Variants in SNAP91 observed in about 807,000 individuals in gnomAD.
The protein encoded by SNAP91 is synaptosome associated protein 91.
A neutral mutation model predicts 100.3 loss-of-function variants in SNAP91; 27 were observed. That is an observed-to-expected ratio of 0.27 (90% CI 0.20 to 0.37). The LOEUF (loss-of-function observed/expected upper bound fraction) is 0.37. SNAP91 is among the 10% of genes least tolerant of loss of function. SNAP91 has a pLI of 1.00. For synonymous variants in SNAP91, 404 were observed against 398.6 expected (o/e 1.01, Z -0.16); for missense variants, 986 against 1,123.7 (o/e 0.88, Z 1.75).
chr6:83,572,561 T>A (rs1810226030), intron 26 of SNAP91, among the ~76,000 whole-genome samples: 1 of 152,130 alleles, frequency 6.6e-6, no homozygotes, highest in African/African-American at 2.4e-5. Context: ...CAACTTTTTT[T>A]TTCCTTTTTT....
rs552114655 is a variant in SNAP91 at position 83,575,915 on chromosome 6, T to C, written c.2330+108A>G. On this transcript the variant is annotated intron_variant, in intron 25 of 29. Coordinates refer to ENST00000369694, the MANE Select transcript of SNAP91 (RefSeq NM_001242792.2). The stretch of plus-strand genomic sequence containing the variant: ...CACCAATTGTGAAATTATCTGAAAT[T>C]ATCTAGCATGAGAATGAATAATTAC... 4 of 658,186 alleles carry C rather than the reference T, an allele frequency of 6.1e-6. No individual in the cohort carries two copies. In the East Asian group the frequency reaches 1.3e-4, roughly 22 times the overall value. 40.8% of individuals were successfully genotyped at this position (658,186 alleles called of 1,614,324 possible).
rs202051437 is a variant in SNAP91 at position 83,560,120 on chromosome 6, G to C, written c.2615C>G (p.Ala872Gly). 1.0e-4 allele frequency: 166 copies of C among 1,613,852 alleles called. No homozygotes were observed. The highest frequency in any genetic ancestry group is 1.3e-4 in the Non-Finnish European group (156 of 1,179,810). Residue 872 changes from alanine to glycine, a missense_variant, in exon 28 of 30, where the codon GCT becomes GGT. Coordinates refer to ENST00000369694, the MANE Select transcript of SNAP91 (RefSeq NM_001242792.2). ...PMMRPPFGAA[A>G]VPGTQLSPSP... ...GAAACTGACCTGCGTGCCAGGTACA[G>C]CGGCAGCTCCAAAGGGGGGCCTCAT...
chr6:83,556,342 GGAGAGAGAGAGA>G (rs1184252930), intron 28 of SNAP91, 97 bp from the exon 29 acceptor site: 265 of 19,696 alleles, frequency 0.013, 2 homozygotes, highest in Middle Eastern at 0.023. Flanking sequence ...AGGGAGAGGG[GGAGAGAGAGAGA>G]GAGAGAGAGA....
At position 83,578,537 on chromosome 6, in the gene SNAP91, A is replaced by C. The variant is rs1173551003; in HGVS notation, c.2299+1913T>G. Among the ~76,000 whole-genome samples the C allele has an allele frequency of 7.2e-5, 11 of 152,296 alleles. No individual in the cohort carries two copies. The East Asian group carries it at 2.1e-3, about 29-fold the overall frequency. On this transcript the variant is annotated intron_variant, in intron 24 of 29. Coordinates refer to ENST00000369694, the MANE Select transcript of SNAP91 (RefSeq NM_001242792.2). ...GGAGAATATAGGGTGCTTGGGTCAA[A>C]AGGTCTATTCAAATAAATTATTTGC...
chr6:83,706,065 C>T (rs962261714), intron 2 of SNAP91, among the ~76,000 whole-genome samples: 2 of 152,194 alleles, frequency 1.3e-5, no homozygotes, highest in Admixed American at 6.5e-5. Flanking sequence ...TTTCAAAAGA[C>T]TTTTCCACTA....
chr6:83,665,551 A>T lies in SNAP91; in HGVS notation c.161T>A (p.Val54Asp). Residue 54 changes from valine (V) to aspartate (D), a missense_variant, in exon 3 of 30, where the codon GTT (valine) becomes GAT (aspartate). Around this residue, in one of 4 missense-constraint regions of SNAP91, gnomAD observed 330 missense variants for 447.5 expected, o/e 0.74. Coordinates refer to ENST00000369694, the MANE Select transcript of SNAP91 (RefSeq NM_001242792.2). ...AGTGTCGGCCATCTGAGGAATATTA[A>T]CATTGGTCTCGTTGGTAGCCTGGAT... ...YLIQATNETNVNIPQMADTLF... is the reference protein window; with the variant it reads ...YLIQATNETNDNIPQMADTLF... The T allele has an allele frequency of 1.9e-6, 3 of 1,612,606 alleles. No homozygotes were observed. The highest frequency in any genetic ancestry group is 2.5e-6 in the Non-Finnish European group (3 of 1,179,126).
intron 9 of SNAP91, among the ~76,000 whole-genome samples, chr6:83,619,986 T>C (rs2096648320): frequency 6.6e-6 from 1 of 152,204 alleles, no homozygotes; most frequent in Non-Finnish European, 1.5e-5. Flanking sequence ...TCTGATATAT[T>C]CAGTTCTTAC....
chr6:83,690,517 G>A, intron 2 of SNAP91: 4 of 806,688 alleles, frequency 5.0e-6, no homozygotes, highest in Non-Finnish European at 5.3e-6. Flanking sequence ...CATTGAACAA[G>A]CGTTTTGTTT....
At chr6:83,698,184 G>A (rs540479614) in intron 2 of SNAP91, among the ~76,000 whole-genome samples, 1 of 152,092 alleles carries the variant, frequency 6.6e-6, no homozygotes, top group Admixed American at 6.6e-5. Flanking sequence ...CAAAAACAAA[G>A]AATAGGAAAA....
intron 2 of SNAP91, chr6:83,690,256 GAAAT>G (rs1442177918): frequency 1.6e-4 from 176 of 1,132,484 alleles, no homozygotes; most frequent in Non-Finnish European, 1.9e-4. Flanking sequence ...CTCTTCTTGA[GAAAT>G]AAATAATACT....
chr6:83,606,206 T>C (rs2095603662), intron 13 of SNAP91, among the ~76,000 whole-genome samples: 1 of 152,228 alleles, frequency 6.6e-6, no homozygotes, highest in Non-Finnish European at 1.5e-5. Flanking sequence ...GGTTATCTTT[T>C]CTCTATTTCC....
intron 12 of SNAP91, among the ~76,000 whole-genome samples, chr6:83,609,675 A>G (rs2095865040): frequency 6.6e-6 from 1 of 152,212 alleles, no homozygotes; most frequent in African/African-American, 2.4e-5. Context: ...CTTGTCACTA[A>G]TAACCCTAAT....
intron 2 of SNAP91, among the ~76,000 whole-genome samples, chr6:83,682,527 C>A (rs1267505316): frequency 1.3e-5 from 2 of 151,642 alleles, no homozygotes; most frequent in African/African-American, 2.4e-5. Context: ...TTTCTTTATT[C>A]TTTCTATTAT....
chr6:83,692,507 T>G (rs990963792), intron 2 of SNAP91, among the ~76,000 whole-genome samples: 1 of 97,810 alleles, frequency 1.0e-5, no homozygotes, highest in African/African-American at 4.5e-5. Context: ...ATGGCGAGAC[T>G]CTGTCTCAAA....
intron 2 of SNAP91, chr6:83,690,196 T>C (rs868167907): frequency 1.2e-6 from 1 of 807,218 alleles, no homozygotes; most frequent in South Asian, 3.8e-5. Flanking sequence ...AATTTGAATA[T>C]TTGAATTTTT....
chr6:83,665,346 A>T, intron 3 of SNAP91, 93 bp downstream of exon 3: 3 of 1,217,412 alleles, frequency 2.5e-6, no homozygotes, highest in Non-Finnish European at 3.5e-6. Flanking sequence ...TTTTCTCCTA[A>T]TTAGTGAAAA....
intron 2 of SNAP91, chr6:83,686,010 A>G (rs2099055406): frequency 4.9e-6 from 1 of 205,310 alleles, no homozygotes; most frequent in South Asian, 1.7e-4. Flanking sequence ...TAAGCTCTAC[A>G]AGGAAAGCAT....
At chr6:83,583,864 C>G (rs1233719192) in intron 22 of SNAP91, among the ~76,000 whole-genome samples, 1 of 152,042 alleles carries the variant, frequency 6.6e-6, no homozygotes, top group Non-Finnish European at 1.5e-5. Context: ...TAGAAATTGA[C>G]AGTGATGTGG....
rs556247530 is a variant in SNAP91, at chr6:83,563,138, A to G, written c.2443-2191T>C. On this transcript the variant is annotated intron_variant, in intron 26 of 29. Coordinates refer to ENST00000369694, the MANE Select transcript of SNAP91 (RefSeq NM_001242792.2). ...CTGTGAACGAGACATCTTAGACATG[A>G]GGCTTCCCACCACAATAAAGAAGTA... 5.3e-5 allele frequency among the ~76,000 whole-genome samples: 8 copies of G among 152,300 alleles called. No homozygotes were observed. The South Asian group carries it at 1.2e-3, about 24-fold the overall frequency.
Sources: gnomAD v4.1 joint callset for allele counts (sites outside exome capture counted in the v4.1 genomes callset) on GRCh38, gnomAD v4.1.1 for gene constraint, gnomAD v4.1.1 regional missense constraint, MANE v1.5 for transcripts, NCBI Gene and HGNC (gene_info 2026-07-23, HGNC 2026-07-21) for gene names.